DAAM1: variants seen among roughly 807,000 people sequenced by gnomAD.
The protein encoded by DAAM1 is dishevelled associated activator of morphogenesis 1, also known as disheveled-associated activator of morphogenesis 1.
Under a neutral mutation model 130.0 loss-of-function variants are expected in DAAM1, and 52 were observed. The ratio of observed to expected loss-of-function variants is 0.40; its 90% CI spans 0.32 to 0.50. The LOEUF is 0.50. Among genes scored for constraint, DAAM1 ranks in the 20% least tolerant of loss-of-function variants. DAAM1 has a pLI of 0.61. For synonymous variants in DAAM1, 452 were observed against 444.5 expected (o/e 1.02, Z -0.21); for missense variants, 1,134 against 1,303.8 (o/e 0.87, Z 2.01).
At position 59,324,119 on chromosome 14, in the gene DAAM1, T is replaced by C. The variant is rs2139621467; in HGVS notation, c.775-9T>C. On this transcript the variant is annotated splice_polypyrimidine_tract_variant and intron_variant, in intron 6 of 24. Transcript: ENST00000360909. ...ACGTTTCAGTCCTTTGTTTTTCTAT[T>C]TTTGATAGACATTAATTAACGACTT... The C allele has an allele frequency of 1.4e-6, 2 of 1,381,242 alleles. No homozygotes were observed. Among genetic ancestry groups the C allele is most frequent in the East Asian group, 5.2e-5 (2 of 38,564 alleles). 85.6% of individuals were successfully genotyped at this position (1,381,242 alleles called of 1,614,324 possible). A position where few individuals can be genotyped will look rare whatever the true frequency, so the allele number is the denominator to read the frequency against.
chr14:59,204,555 A>C (rs767199262), intron 1 of DAAM1, among the ~76,000 whole-genome samples: 3 of 152,238 alleles, frequency 2.0e-5, no homozygotes, highest in Non-Finnish European at 4.4e-5. Context: ...AATGAAACAT[A>C]ATCATGAGAG....
intron 1 of DAAM1, among the ~76,000 whole-genome samples, chr14:59,220,738 G>A (rs925546405): frequency 6.6e-6 from 1 of 152,168 alleles, no homozygotes; most frequent in African/African-American, 2.4e-5. Context: ...GCTGGTGTGA[G>A]TACCAGAGCC....
chr14:59,340,305 C>A, intron 16 of DAAM1, 125 bp downstream of exon 16: 1 of 826,830 alleles, frequency 1.2e-6, no homozygotes, highest in Non-Finnish European at 1.9e-6. Context: ...GGATCCCCTT[C>A]TGTTAAAATG....
intron 2 of DAAM1, among the ~76,000 whole-genome samples, chr14:59,289,784 A>ATATAT: frequency 8.5e-5 from 11 of 128,708 alleles, no homozygotes; most frequent in East Asian, 3.9e-4. Flanking sequence ...ATATATATAT[A>ATATAT]ATGGAATGCT....
At chr14:59,275,448 TTATC>T (rs780101923) in intron 2 of DAAM1, among the ~76,000 whole-genome samples, 9 of 152,274 alleles carry the variant, frequency 5.9e-5, no homozygotes, top group East Asian at 5.8e-4. Flanking sequence ...AAAAAAAAAT[TTATC>T]TAGTAAGACT....
chr14:59,210,184 A>G lies in DAAM1; in HGVS notation c.-38+21416A>G, dbSNP rs553339958. 6.6e-5 allele frequency among the ~76,000 whole-genome samples: 10 copies of G among 152,288 alleles called. No homozygotes were observed. The East Asian group carries it at 1.9e-3, about 29-fold the overall frequency. ...AAAACCAACCAAAACCAAAACAACA[A>G]CAAAGTTTTGCAAATTGACGCTCTT... On this transcript the variant is annotated intron_variant, in intron 1 of 24. Coordinates refer to ENST00000360909, the MANE Select transcript of DAAM1 (RefSeq NM_001270520.2).
At chr14:59,319,331 T>C (rs934047452) in intron 4 of DAAM1, among the ~76,000 whole-genome samples, 30 of 152,236 alleles carry the variant, frequency 2.0e-4, no homozygotes, top group African/African-American at 4.3e-4. Flanking sequence ...TGCTTTGATC[T>C]TTACCCTTCT....
At chr14:59,188,943 G>A (rs1018655117) in intron 1 of DAAM1, among the ~76,000 whole-genome samples, 175 bp downstream of exon 1, 1 of 152,186 alleles carries the variant, frequency 6.6e-6, no homozygotes, top group African/African-American at 2.4e-5. Flanking sequence ...CTTCAGGTTG[G>A]GTCTGGGTGG....
At position 59,263,617 on chromosome 14, in the gene DAAM1, T is replaced by A; in HGVS notation, c.140T>A (p.Met47Lys). The A allele has an allele frequency of 6.2e-7, 1 of 1,614,204 alleles. No homozygotes were observed. The highest frequency in any genetic ancestry group is 1.6e-4 in the Middle Eastern group (1 of 6,062). ...ALQTMEPALP[M>K]PPVEELDVMF... Reference sequence around the variant, plus strand: ...CAGACCATGGAACCAGCATTGCCCATGCCCCCTGTGGAGGAGCTGGATGTC... The same window carrying A: ...CAGACCATGGAACCAGCATTGCCCAAGCCCCCTGTGGAGGAGCTGGATGTC... The change falls in exon 2 of 25, where the codon ATG (methionine) becomes AAG (lysine). Residue 47 changes from methionine to lysine, a missense_variant. By Grantham distance (95) the Met-to-Lys change is moderately conservative. Around this residue, in one of 3 missense-constraint regions of DAAM1, gnomAD observed 99 missense variants for 86.4 expected, o/e 1.15. Transcript: ENST00000360909.
At chr14:59,202,697 T>G (rs1888143935) in intron 1 of DAAM1, among the ~76,000 whole-genome samples, 1 of 152,204 alleles carries the variant, frequency 6.6e-6, no homozygotes, top group African/African-American at 2.4e-5. Context: ...GTGAAGAGTT[T>G]CCCCAATGAA....
intron 3 of DAAM1, among the ~76,000 whole-genome samples, chr14:59,298,037 A>G (rs1269885753): frequency 6.6e-6 from 1 of 152,198 alleles, no homozygotes; most frequent in African/African-American, 2.4e-5. Context: ...TCCAAATTTT[A>G]TGAAGCATGT....
chr14:59,314,215 CTAG>C (rs1884698395), intron 3 of DAAM1, among the ~76,000 whole-genome samples: 2 of 152,164 alleles, frequency 1.3e-5, no homozygotes, highest in African/African-American at 4.8e-5. Context: ...ATGTTAAAAC[CTAG>C]TAGGTAGTCA....
chr14:59,235,771 G>C (rs570747147), intron 1 of DAAM1, among the ~76,000 whole-genome samples: 2 of 152,108 alleles, frequency 1.3e-5, no homozygotes, highest in African/African-American at 4.8e-5. Context: ...TCTGATGTGG[G>C]CATTTAGTTA....
intron 1 of DAAM1, among the ~76,000 whole-genome samples, chr14:59,224,493 T>C (rs1240403669): frequency 6.6e-6 from 1 of 152,228 alleles, no homozygotes; most frequent in African/African-American, 2.4e-5. Flanking sequence ...TGTAATACTT[T>C]GGAAGCACGT....
At chr14:59,350,460 TACACACACAC>T (rs3047886) in intron 17 of DAAM1, among the ~76,000 whole-genome samples, 1 of 150,370 alleles carries the variant, frequency 6.7e-6, no homozygotes, top group Admixed American at 6.6e-5. Flanking sequence ...ACACGCCCCT[TACACACACAC>T]ACACACACAC....
intron 20 of DAAM1, 122 bp downstream of exon 20, chr14:59,355,455 C>A: frequency 8.2e-7 from 1 of 1,216,032 alleles, no homozygotes; most frequent in Non-Finnish European, 1.1e-6. Flanking sequence ...ACTTCTCTTT[C>A]TCACTACTTT....
At chr14:59,292,094 T>G (rs1167799196) in intron 3 of DAAM1, among the ~76,000 whole-genome samples, 2 of 152,076 alleles carry the variant, frequency 1.3e-5, no homozygotes, top group Non-Finnish European at 2.9e-5. Context: ...TCTGAGGATA[T>G]CCCTACACCC....
At chr14:59,292,391 G>A (rs1186972279) in intron 3 of DAAM1, among the ~76,000 whole-genome samples, 2 of 152,108 alleles carry the variant, frequency 1.3e-5, no homozygotes, top group African/African-American at 2.4e-5. Flanking sequence ...CAGCACATCT[G>A]CCCCCCTTTG....
At chr14:59,349,308 A>G (rs17834014) in intron 17 of DAAM1, among the ~76,000 whole-genome samples, 9,379 of 152,368 alleles carry the variant, frequency 0.062, 376 homozygotes, top group Non-Finnish European at 0.09. Context: ...GCATCCAGCA[A>G]AATTCCTCCT....
Sources: allele counts gnomAD v4.1 joint callset (sites outside exome capture counted in the v4.1 genomes callset), GRCh38; gene constraint gnomAD v4.1.1; regional missense constraint gnomAD v4.1.1; transcripts MANE v1.5; gene names NCBI Gene and HGNC (gene_info 2026-07-23, HGNC 2026-07-21).